Variants in PTPRD observed in about 807,000 individuals in gnomAD.
The protein encoded by PTPRD is protein tyrosine phosphatase receptor type D.
PTPRD carries 34 observed loss-of-function variants against 214.5 expected under a neutral mutation model. The observed-to-expected ratio is 0.16, with a 90% CI of 0.12 to 0.21. The LOEUF (loss-of-function observed/expected upper bound fraction) is 0.21. PTPRD is among the 10% of genes least tolerant of loss of function. The pLI is 1.00. For missense variants in PTPRD, 2,545 were observed against 2,398.7 expected (o/e 1.06, Z -1.27); for synonymous variants, 1,128 against 845.7 (o/e 1.33, Z -5.79).
intron 5 of PTPRD, among the ~76,000 whole-genome samples, chr9:9,828,097 G>T (rs538701827): frequency 6.6e-6 from 1 of 152,122 alleles, no homozygotes; most frequent in African/African-American, 2.4e-5. Context: ...TCAGTGTGGC[G>T]ATTCCTCAGG....
intron 12 of PTPRD, among the ~76,000 whole-genome samples, chr9:8,639,934 T>G (rs1011703159): frequency 6.6e-6 from 1 of 152,162 alleles, no homozygotes. Flanking sequence ...CATTGAAGTT[T>G]TTTGTTTGTT....
chr9:9,766,326 T>G (rs1160518693), intron 6 of PTPRD, among the ~76,000 whole-genome samples: 1 of 152,194 alleles, frequency 6.6e-6, no homozygotes. Flanking sequence ...TTATATACTG[T>G]TTACTGAGCT....
intron 10 of PTPRD, among the ~76,000 whole-genome samples, chr9:9,172,781 T>A (rs1231176248): frequency 6.6e-6 from 1 of 152,118 alleles, no homozygotes; most frequent in Non-Finnish European, 1.5e-5. Context: ...TTTCTCTGAC[T>A]CCCAAAGCCA....
rs77381726 is a variant in PTPRD at position 10,369,427 on chromosome 9, G to T, written c.-599-28410C>A. ...TGGCGGGGACAGAGTGGAGACAGTAGTGAGAGAACAAAGAAAGTAGGTGAG... is the reference window on the plus strand; with the variant it reads ...TGGCGGGGACAGAGTGGAGACAGTATTGAGAGAACAAAGAAAGTAGGTGAG... On this transcript the variant is annotated intron_variant, in intron 2 of 45. Coordinates refer to ENST00000381196, the MANE Select transcript of PTPRD (RefSeq NM_002839.4). Among the ~76,000 whole-genome samples, 539 of 152,064 alleles carry T rather than the reference G, an allele frequency of 3.5e-3. 5 individuals are homozygous for T. The highest frequency in any genetic ancestry group is 0.012 in the African/African-American group (516 of 41,514).
intron 5 of PTPRD, among the ~76,000 whole-genome samples, chr9:9,917,925 C>T (rs555768251): frequency 3.9e-5 from 6 of 152,036 alleles, no homozygotes; most frequent in African/African-American, 1.2e-4. Context: ...CATATCTCAG[C>T]ATAATGGAGG....
In PTPRD at chr9:9,383,894, G is replaced by A. The variant is rs568327773; in HGVS notation, c.-203+13555C>T. ...TAATCATTGTTCCAGAAAGAACAAA[G>A]CATTCTGTGTGTTTTTGCAACAGTA... On this transcript the variant is annotated intron_variant, in intron 9 of 45. Coordinates refer to ENST00000381196, the MANE Select transcript of PTPRD (RefSeq NM_002839.4). Among the ~76,000 whole-genome samples, 3 of 152,114 alleles carry A rather than the reference G, an allele frequency of 2.0e-5. No homozygotes were observed. In the East Asian group the frequency reaches 5.8e-4, roughly 29 times the overall value.
chr9:10,188,693 T>C (rs1015204528), intron 3 of PTPRD, among the ~76,000 whole-genome samples: 3 of 152,160 alleles, frequency 2.0e-5, no homozygotes, highest in Non-Finnish European at 4.4e-5. Flanking sequence ...AGCATTCACA[T>C]GTCATTGGCA....
intron 7 of PTPRD, among the ~76,000 whole-genome samples, chr9:9,671,576 C>T (rs1302723281): frequency 6.6e-6 from 1 of 152,084 alleles, no homozygotes; most frequent in African/African-American, 2.4e-5. Context: ...AATTGTACTC[C>T]TATAATTTCC....
chr9:10,194,335 TATATATATATAGAGAGAGAGAG>T (rs1358346173), intron 3 of PTPRD, among the ~76,000 whole-genome samples: 97 of 66,386 alleles, frequency 1.5e-3, no homozygotes, highest in Admixed American at 9.6e-3. Context: ...TATATATATA[TATATATATATAGAGAGAGAGAG>T]AGAGAGAGAG....
At chr9:9,685,260 T>C (rs183709824) in intron 7 of PTPRD, among the ~76,000 whole-genome samples, 1 of 131,900 alleles carries the variant, frequency 7.6e-6, no homozygotes, top group African/African-American at 3.0e-5. Context: ...ATATTATATA[T>C]GCTTATTATA....
At chr9:8,668,170 T>A (rs1486634485) in intron 12 of PTPRD, among the ~76,000 whole-genome samples, 2 of 152,174 alleles carry the variant, frequency 1.3e-5, no homozygotes, top group Non-Finnish European at 2.9e-5. Context: ...TTTTACTCAA[T>A]GTAAGCAACA....
intron 35 of PTPRD, among the ~76,000 whole-genome samples, chr9:8,413,144 C>T (rs562136194): frequency 3.3e-5 from 5 of 152,176 alleles, no homozygotes; most frequent in African/African-American, 4.8e-5. Flanking sequence ...TTTAAACATA[C>T]GATTTTTCTT....
chr9:8,500,189 C>G (rs1399819626), intron 24 of PTPRD, among the ~76,000 whole-genome samples: 1 of 151,522 alleles, frequency 6.6e-6, no homozygotes, highest in Non-Finnish European at 1.5e-5. Flanking sequence ...GAAATAATAA[C>G]AAAAACTGGC....
intron 3 of PTPRD, among the ~76,000 whole-genome samples, chr9:10,077,325 G>A (rs773071420): frequency 6.6e-6 from 1 of 152,028 alleles, no homozygotes; most frequent in Non-Finnish European, 1.5e-5. Context: ...AGTAATTCAT[G>A]CAAATGTACT....
rs186783705 is a variant in PTPRD, at chr9:8,975,915, T to C, written c.-104+42782A>G. Among the ~76,000 whole-genome samples the C allele has an allele frequency of 1.7e-3, 263 of 152,080 alleles. 2 individuals are homozygous for C. The highest frequency in any genetic ancestry group is 6.1e-3 in the African/African-American group (253 of 41,542). ...CATTTGTACTTCAAAAACATGATTT[T>C]CATTGGTTGCTTAATAATATATAGA... On this transcript the variant is annotated intron_variant, in intron 11 of 45. Transcript: ENST00000381196.
At chr9:9,031,059 G>A (rs1193329166) in intron 10 of PTPRD, among the ~76,000 whole-genome samples, 1 of 151,926 alleles carries the variant, frequency 6.6e-6, no homozygotes, top group African/African-American at 2.4e-5. Context: ...GTGGAAATAG[G>A]GGGAATGGTT....
chr9:8,873,933 G>A (rs1249493806), intron 11 of PTPRD, among the ~76,000 whole-genome samples: 1 of 152,180 alleles, frequency 6.6e-6, no homozygotes, highest in Non-Finnish European at 1.5e-5. Context: ...GACTATGTGT[G>A]TGCACCTGGT....
chr9:10,482,178 C>T (rs1953591), intron 2 of PTPRD, among the ~76,000 whole-genome samples: 23,347 of 151,424 alleles, frequency 0.15, 1,903 homozygotes, highest in Non-Finnish European at 0.18. Flanking sequence ...GAGACCAGCC[C>T]GGCTAACACA....
chr9:8,790,488 G>T (rs577742626), intron 11 of PTPRD, among the ~76,000 whole-genome samples: 41 of 151,930 alleles, frequency 2.7e-4, no homozygotes, highest in African/African-American at 9.4e-4. Flanking sequence ...TGCGATCTTG[G>T]CTCACTGTAA....
Sources: allele counts gnomAD v4.1 joint callset (sites outside exome capture counted in the v4.1 genomes callset), GRCh38; gene constraint gnomAD v4.1.1; transcripts MANE v1.5; gene names NCBI Gene and HGNC (gene_info 2026-07-23, HGNC 2026-07-21).